MAP1B: variants seen among roughly 807,000 people sequenced by gnomAD.
The protein encoded by MAP1B is microtubule associated protein 1B.
MAP1B carries 12 observed loss-of-function variants against 176.1 expected under a neutral mutation model. That is an observed-to-expected ratio of 0.07 (90% CI 0.04 to 0.11). The LOEUF (loss-of-function observed/expected upper bound fraction) is 0.11. Among genes scored for constraint, MAP1B ranks in the 10% least tolerant of loss-of-function variants. MAP1B has a pLI of 1.00. For missense variants in MAP1B, 2,523 were observed against 2,990.5 expected, an observed-to-expected ratio of 0.84 and a Z score of 3.65; for synonymous variants, 1,044 against 1,135.0, an observed-to-expected ratio of 0.92 and a Z score of 1.61.
chr5:72,197,455 A>T lies in MAP1B; in HGVS notation c.4100A>T (p.Asp1367Val), dbSNP rs765781677. 8.1e-6 allele frequency: 13 copies of T among 1,614,104 alleles called. No homozygotes were observed. The highest frequency in any genetic ancestry group is 2.5e-6 in the Non-Finnish European group (3 of 1,180,036). Residue 1367 changes from aspartate to valine, a missense_variant, in exon 5 of 7, where the codon GAT becomes GTT. Asp to Val is a radical substitution (Grantham distance 152). Coordinates refer to ENST00000296755, the MANE Select transcript of MAP1B (RefSeq NM_005909.5). ...GTTCCAGTGAGTTTTGAATTCAGTG[A>T]TGCCAAAGATGAGAATGAAAGGGCT... ...PAVPVSFEFS[D>V]AKDENERASV...
chr5:72,202,229 AT>A (rs1318353830), intron 5 of MAP1B, among the ~76,000 whole-genome samples: 1 of 152,172 alleles, frequency 6.6e-6, no homozygotes, highest in Non-Finnish European at 1.5e-5. Context: ...GATGGTAGTG[AT>A]TTAGAGTAGA....
Position 72,111,259 on chromosome 5 carries a change from A to AT in MAP1B, c.184+3554dup, listed in dbSNP as rs556334902. 5.1e-3 allele frequency among the ~76,000 whole-genome samples: 763 copies of AT among 148,656 alleles called. 5 individuals carry two copies. Among genetic ancestry groups the AT allele is most frequent in the Middle Eastern group, 6.9e-3 (2 of 290 alleles). On this transcript the variant is annotated intron_variant, in intron 1 of 6. Transcript: ENST00000296755. ...GCCTTGTGAACGTTTTCATTGTTTC[A>AT]TTTTTTTTTTAAGGAACTAAAACAT...
intron 2 of MAP1B, among the ~76,000 whole-genome samples, chr5:72,123,631 C>T (rs1250170223): frequency 6.6e-6 from 1 of 152,016 alleles, no homozygotes; most frequent in African/African-American, 2.4e-5. Flanking sequence ...ACTACAGGCG[C>T]CCGCCACGAC....
chr5:72,144,224 A>G (rs1561297293), intron 2 of MAP1B, among the ~76,000 whole-genome samples: 1 of 152,112 alleles, frequency 6.6e-6, no homozygotes, highest in African/African-American at 2.4e-5. Flanking sequence ...CTAGTCACTA[A>G]GCTTGTTAGA....
chr5:72,169,522 T>C (rs1391803267), intron 2 of MAP1B: 2 of 154,244 alleles, frequency 1.3e-5, no homozygotes, highest in Non-Finnish European at 2.9e-5. Flanking sequence ...CAACCCACAC[T>C]ATGATGTTAA....
intron 3 of MAP1B, among the ~76,000 whole-genome samples, chr5:72,185,344 T>G (rs1172750683): frequency 6.6e-6 from 1 of 152,232 alleles, no homozygotes; most frequent in African/African-American, 2.4e-5. Flanking sequence ...TAGCAATCTC[T>G]GTTACTAACA....
chr5:72,195,676 G>C lies in MAP1B; in HGVS notation c.2321G>C (p.Gly774Ala). ...ESVKKDSVAA[G>A]KPKEKGKIKV... The stretch of plus-strand genomic sequence containing the variant: ...GTCAAGAAAGATTCTGTTGCTGCCG[G>C]AAAGCCAAAGGAGAAGGGGAAAATA... The change falls in exon 5 of 7, where the codon GGA becomes GCA. Residue 774 changes from glycine (G) to alanine (A), a missense_variant. Around this residue, in one of 4 missense-constraint regions of MAP1B, gnomAD observed 1,925 missense variants for 2,126.0 expected, o/e 0.91. Coordinates refer to ENST00000296755, the MANE Select transcript of MAP1B (RefSeq NM_005909.5). 1.2e-6 allele frequency: 2 copies of C among 1,614,234 alleles called. No individual in the cohort carries two copies. Among genetic ancestry groups the C allele is most frequent in the Non-Finnish European group, 1.7e-6 (2 of 1,180,050 alleles).
chr5:72,110,647 G>T (rs1359354445), intron 1 of MAP1B, among the ~76,000 whole-genome samples: 2 of 152,168 alleles, frequency 1.3e-5, no homozygotes, highest in Non-Finnish European at 2.9e-5. Context: ...GCTGCTCCAG[G>T]GGGGCCAGCT....
chr5:72,107,655 G>C lies in MAP1B; in HGVS notation c.124G>C (p.Val42Leu). 1 of 1,600,292 alleles carries C rather than the reference G, an allele frequency of 6.2e-7. No individual in the cohort carries two copies. The highest frequency in any genetic ancestry group is 8.5e-7 in the Non-Finnish European group (1 of 1,179,652). ...FLDSKFYLLV[V>L]VGEIVTEEHL... ...TGACAGCAAGTTCTACTTGCTGGTG[G>C]TCGTCGGCGAGATCGTGACCGAGGA... Residue 42 changes from valine to leucine, a missense_variant, in exon 1 of 7, where the codon GTC (valine) becomes CTC (leucine). Coordinates refer to ENST00000296755, the MANE Select transcript of MAP1B (RefSeq NM_005909.5).
At position 72,196,455 on chromosome 5, in the gene MAP1B, T is replaced by C; in HGVS notation, c.3100T>C (p.Tyr1034His). The change falls in exon 5 of 7, where the codon TAT becomes CAT. Residue 1034 changes from tyrosine to histidine, a missense_variant. By Grantham distance (83) the Tyr-to-His change is moderately conservative. Transcript: ENST00000296755. The surrounding 1 kb of genome is among the most constrained non-coding windows in gnomAD (Gnocchi z 5.3). ...AGCTGAAGATGCCAGAGAGGAGGAA[T>C]ATGAGCCGGAAAAAATGGAAGCTGA... is the stretch of plus-strand genomic sequence containing the variant. ...DKAEDAREEE[Y>H]EPEKMEAEDY... 1 of 1,613,446 alleles carries C rather than the reference T, an allele frequency of 6.2e-7. No homozygotes were observed. Among genetic ancestry groups the C allele is most frequent in the Non-Finnish European group, 8.5e-7 (1 of 1,179,948 alleles).
chr5:72,180,218 A>G (rs1232197264), intron 2 of MAP1B, among the ~76,000 whole-genome samples: 2 of 152,214 alleles, frequency 1.3e-5, no homozygotes, highest in African/African-American at 4.8e-5. Context: ...ACCTTGCTCA[A>G]GTCTACTTGT....
chr5:72,115,822 G>A (rs544564696), intron 2 of MAP1B, 23 bp downstream of exon 2: 1 of 1,547,314 alleles, frequency 6.5e-7, no homozygotes, highest in African/African-American at 1.4e-5. Flanking sequence ...CTCAGTGTTG[G>A]TCAGCCTAGA....
At position 72,183,837 on chromosome 5, in the gene MAP1B, G is replaced by A. The variant is rs773441219; in HGVS notation, c.369+12G>A. 1 of 1,612,788 alleles carries A rather than the reference G, an allele frequency of 6.2e-7. No homozygotes were observed. Among genetic ancestry groups the A allele is most frequent in the South Asian group, 1.1e-5 (1 of 90,962 alleles). On this transcript the variant is annotated intron_variant, in intron 3 of 6. Transcript: ENST00000296755. ...CAGTCAGCACCGAGGTAAGCATTCA[G>A]CTCTGTAGAATCTGGGGCCGGGCCC...
In MAP1B at chr5:72,197,218, T is replaced by G. The variant is rs767021054; in HGVS notation, c.3863T>G (p.Val1288Gly). Reference protein sequence around the residue: ...NFSLTPNEIKVSAEAEVAPVS... With the variant: ...NFSLTPNEIKGSAEAEVAPVS... ...TCTCTGACGCCCAATGAGATTAAAGTCTCTGCAGAGGCAGAAGTAGCCCCG... is the reference window on the plus strand; with the variant it reads ...TCTCTGACGCCCAATGAGATTAAAGGCTCTGCAGAGGCAGAAGTAGCCCCG... The change falls in exon 5 of 7, where the codon GTC (valine) becomes GGC (glycine). Residue 1288 changes from valine to glycine, a missense_variant. Around this residue, in one of 4 missense-constraint regions of MAP1B, gnomAD observed 1,925 missense variants for 2,126.0 expected, o/e 0.91. Transcript: ENST00000296755. 2 of 1,614,136 alleles carry G rather than the reference T, an allele frequency of 1.2e-6. No individual in the cohort carries two copies. The highest frequency in any genetic ancestry group is 1.7e-6 in the Non-Finnish European group (2 of 1,180,026).
At chr5:72,107,785 C>G (rs1042222282) in intron 1 of MAP1B, 70 bp downstream of exon 1, 22 of 1,519,464 alleles carry the variant, frequency 1.4e-5, no homozygotes, top group Non-Finnish European at 1.9e-5. Flanking sequence ...CAGGGCGCGA[C>G]GGTCACTGCG....
At chr5:72,189,917 A>G (rs982678339) in intron 4 of MAP1B, among the ~76,000 whole-genome samples, 2 of 152,124 alleles carry the variant, frequency 1.3e-5, no homozygotes, top group African/African-American at 4.8e-5. Context: ...AGCCCAGAAG[A>G]CACATGATGT....
At chr5:72,161,605 C>T (rs912416434) in intron 2 of MAP1B, among the ~76,000 whole-genome samples, 12 of 152,272 alleles carry the variant, frequency 7.9e-5, no homozygotes, top group African/African-American at 2.4e-4. Flanking sequence ...GGGACTTCTG[C>T]TCCCTCAGCT....
Position 72,183,781 on chromosome 5 carries a change from A to G in MAP1B, c.325A>G (p.Thr109Ala). 1 of 1,614,116 alleles carries G rather than the reference A, an allele frequency of 6.2e-7. No individual in the cohort carries two copies. The highest frequency in any genetic ancestry group is 1.1e-5 in the South Asian group (1 of 91,062). Residue 109 changes from threonine to alanine, a missense_variant, in exon 3 of 7, where the codon ACA becomes GCA. Transcript: ENST00000296755. ...ILHHRSDVLETVVLINPSDEA... is the reference protein window; with the variant it reads ...ILHHRSDVLEAVVLINPSDEA... Reference sequence around the variant, plus strand: ...TCATCACCGAAGTGACGTTTTAGAAACAGTGGTCCTGATCAACCCTTCTGA... The same window carrying G: ...TCATCACCGAAGTGACGTTTTAGAAGCAGTGGTCCTGATCAACCCTTCTGA...
intron 2 of MAP1B, among the ~76,000 whole-genome samples, chr5:72,176,211 G>T (rs1020057380): frequency 3.9e-5 from 6 of 152,154 alleles, no homozygotes; most frequent in Non-Finnish European, 8.8e-5. Context: ...GTGTGTGCAC[G>T]CACACACTCA....
Sources: gnomAD v4.1 joint callset for allele counts (sites outside exome capture counted in the v4.1 genomes callset) on GRCh38, gnomAD v4.1.1 for gene constraint, gnomAD v4.1.1 regional missense constraint, Gnocchi (gnomAD v3.1) non-coding constraint, MANE v1.5 for transcripts, NCBI Gene and HGNC (gene_info 2026-07-23, HGNC 2026-07-21) for gene names.